MYO18A: variants seen among roughly 807,000 people sequenced by gnomAD.
The protein encoded by MYO18A is myosin XVIIIA.
Under a neutral mutation model 235.8 loss-of-function variants are expected in MYO18A, and 78 were observed. The ratio of observed to expected loss-of-function variants is 0.33; its 90% CI spans 0.28 to 0.40. The LOEUF (loss-of-function observed/expected upper bound fraction) is 0.40. Among genes scored for constraint, MYO18A ranks in the 10% least tolerant of loss-of-function variants. The pLI, the probability that MYO18A is intolerant of heterozygous loss-of-function variation, is 1.00. For missense variants in MYO18A, 2,215 were observed against 2,699.3 expected, an observed-to-expected ratio of 0.82 and a Z score of 3.98; for synonymous variants, 977 against 1,077.8, an observed-to-expected ratio of 0.91 and a Z score of 1.83.
chr17:29,092,628 A>G (rs1568050036), intron 33 of MYO18A, among the ~76,000 whole-genome samples, 172 bp from the exon 34 acceptor site: 2 of 152,124 alleles, frequency 1.3e-5, no homozygotes, highest in Non-Finnish European at 2.9e-5. Context: ...CTCCCGTGAC[A>G]TGGCTGGTGG....
At chr17:29,102,680 G>A (rs1292445037) in intron 21 of MYO18A, among the ~76,000 whole-genome samples, 1 of 152,182 alleles carries the variant, frequency 6.6e-6, no homozygotes, top group Non-Finnish European at 1.5e-5. Flanking sequence ...GCAAAGATGG[G>A]AAGACGCAAA....
chr17:29,169,327 G>A (rs1386187023), intron 1 of MYO18A, among the ~76,000 whole-genome samples: 4 of 152,146 alleles, frequency 2.6e-5, no homozygotes, highest in Admixed American at 2.0e-4. Context: ...TGGGATTACA[G>A]GCGTGAGCCA....
intron 2 of MYO18A, among the ~76,000 whole-genome samples, chr17:29,130,622 G>T (rs2067450135): frequency 6.6e-6 from 1 of 152,098 alleles, no homozygotes; most frequent in African/African-American, 2.4e-5. Context: ...AGGAAGTGCA[G>T]GGAGCCAGGA....
intron 34 of MYO18A, 70 bp from the exon 35 acceptor site, chr17:29,090,996 T>C (rs2066385001): frequency 8.2e-6 from 10 of 1,224,986 alleles, no homozygotes; most frequent in Non-Finnish European, 1.1e-5. Context: ...CTGCCTCCAA[T>C]GGCAGGGGCA....
chr17:29,093,174 C>G (rs544278485), intron 32 of MYO18A, 149 bp downstream of exon 32: 1 of 1,057,660 alleles, frequency 9.5e-7, no homozygotes, highest in Admixed American at 2.2e-5. Flanking sequence ...TATGGTGATG[C>G]CCCCATCCCA....
In MYO18A at chr17:29,121,491, A is replaced by C. The variant is rs2067198197; in HGVS notation, c.1371+56T>G. 6.6e-7 allele frequency: 1 copy of C among 1,511,154 alleles called. No homozygotes were observed. Among genetic ancestry groups the C allele is most frequent in the Admixed American group, 2.2e-5 (1 of 46,284 alleles). The allele number at this position is 1,511,154 out of a possible 1,614,324, so 93.6% of individuals were successfully genotyped here. On this transcript the variant is annotated intron_variant, in intron 5 of 41. Transcript: ENST00000527372. The surrounding 1 kb of genome is among the most constrained non-coding windows in gnomAD (Gnocchi z 4.2). ...GGGGTGCCACAGGGGAAGGGCAGAG[A>C]GCCAGGGCAGGGGGTGGGACCAGGA...
At chr17:29,161,948 G>GC (rs922438776) in intron 2 of MYO18A, among the ~76,000 whole-genome samples, 4 of 152,146 alleles carry the variant, frequency 2.6e-5, no homozygotes, top group Non-Finnish European at 5.9e-5. Context: ...AAATACAGAT[G>GC]CCCCCCAAGA....
rs117899891 is a variant in MYO18A, at chr17:29,117,439, C to T, written c.2038+606G>A. Among the ~76,000 whole-genome samples, 30 of 152,266 alleles carry T rather than the reference C, an allele frequency of 2.0e-4. No homozygotes were observed. Among genetic ancestry groups the T allele is most frequent in the Non-Finnish European group, 2.8e-4 (19 of 68,008 alleles). On this transcript the variant is annotated intron_variant, in intron 10 of 41. Coordinates refer to ENST00000527372, the MANE Select transcript of MYO18A (RefSeq NM_078471.4). The surrounding 1 kb of genome is among the most constrained non-coding windows in gnomAD (Gnocchi z 4.6). ...CCCCAGGTAGCAAGCCCACCCTACC[C>T]CACCCCACGGTGGGCATCCTGAGAG...
rs1195785006 is a variant in MYO18A at position 29,073,852 on chromosome 17, T to C, written c.*918A>G. The stretch of plus-strand genomic sequence containing the variant: ...CTTCAGTTTTTCTGATCACAAGTCC[T>C]CAACCCCAAGCCTTCCCTCTCAAGT... On this transcript the variant is annotated 3_prime_UTR_variant, in exon 42 of 42. Transcript: ENST00000527372. The C allele has an allele frequency of 8.2e-6, 13 of 1,583,738 alleles. No individual in the cohort carries two copies. The highest frequency in any genetic ancestry group is 1.0e-5 in the Non-Finnish European group (12 of 1,157,944).
chr17:29,175,397 C>T (rs946085881), intron 1 of MYO18A, among the ~76,000 whole-genome samples: 1 of 146,578 alleles, frequency 6.8e-6, no homozygotes, highest in African/African-American at 2.5e-5. Context: ...CAGGGTCCCA[C>T]TGTGTCCTCC....
In MYO18A at chr17:29,180,304, G is replaced by C. The variant is rs143456839; in HGVS notation, c.-82+9C>G. 0.029 allele frequency: 4,186 copies of C among 145,618 alleles called. 79 individuals are homozygous for C. Among genetic ancestry groups the C allele is most frequent in the Non-Finnish European group, 0.036 (2,407 of 66,274 alleles). 9.0% of individuals were successfully genotyped at this position (145,618 alleles called of 1,614,324 possible). On this transcript the variant is annotated intron_variant, in intron 1 of 41. Coordinates refer to ENST00000527372, the MANE Select transcript of MYO18A (RefSeq NM_078471.4). The surrounding 1 kb of genome is among the most constrained non-coding windows in gnomAD (Gnocchi z 6.1). ...CACCGAGCGGCCGCCGCCGCCGACC[G>C]GCACTCACCGGCCACCGGAGCCCGC...
rs1275369284 is a variant in MYO18A, at chr17:29,073,764, TGACACGGGCTCAG to T, written c.*993_*1005del. On this transcript the variant is annotated 3_prime_UTR_variant, in exon 42 of 42. Transcript: ENST00000527372. Reference sequence around the variant, plus strand: ...TGTGGGGGCAGGGAGGTTGGAAGAATGACACGGGCTCAGGACACAGAGTGAGGACTCATGTCTA... The same window carrying T: ...TGTGGGGGCAGGGAGGTTGGAAGAATGACACAGAGTGAGGACTCATGTCTA... 8.2e-6 allele frequency: 11 copies of T among 1,346,088 alleles called. No individual in the cohort carries two copies. Among genetic ancestry groups the T allele is most frequent in the Admixed American group, 2.1e-5 (1 of 47,418 alleles). The allele number at this position is 1,346,088 out of a possible 1,614,324, so 83.4% of individuals were successfully genotyped here. A position where few individuals can be genotyped will look rare whatever the true frequency, so the allele number is the denominator to read the frequency against.
intron 40 of MYO18A, among the ~76,000 whole-genome samples, chr17:29,084,967 A>T (rs2066216273): frequency 6.6e-6 from 1 of 152,132 alleles, no homozygotes; most frequent in African/African-American, 2.4e-5. Flanking sequence ...GTACCAGCAC[A>T]AGCGCCCGCT....
At position 29,103,648 on chromosome 17, in the gene MYO18A, A is replaced by G; in HGVS notation, c.3458T>C (p.Leu1153Pro). The G allele has an allele frequency of 6.2e-7, 1 of 1,613,772 alleles. No individual in the cohort carries two copies. Among genetic ancestry groups the G allele is most frequent in the Non-Finnish European group, 8.5e-7 (1 of 1,179,870 alleles). Reference protein sequence around the residue: ...VDERRAVEELLECLDLEKSSC... With the variant: ...VDERRAVEELPECLDLEKSSC... ...GCTCTTCTCCAGATCCAAGCACTCC[A>G]GCAGCTCCTCCACTGCCTGTGGAGA... Residue 1153 changes from leucine (L) to proline (P), a missense_variant, in exon 21 of 42, where the codon CTG becomes CCG. Physicochemically the swap from Leu to Pro is moderately conservative, Grantham distance 98 (BLOSUM62 -3). Coordinates refer to ENST00000527372, the MANE Select transcript of MYO18A (RefSeq NM_078471.4).
At position 29,074,329 on chromosome 17, in the gene MYO18A, C is replaced by T. The variant is rs540614101; in HGVS notation, c.*441G>A. ...GACAGCAGGCACCAAGAAGAGAGAGCCCCCACCCCACACGAGAGGGAAGGC... is the reference window on the plus strand; with the variant it reads ...GACAGCAGGCACCAAGAAGAGAGAGTCCCCACCCCACACGAGAGGGAAGGC... On this transcript the variant is annotated 3_prime_UTR_variant, in exon 42 of 42. Coordinates refer to ENST00000527372, the MANE Select transcript of MYO18A (RefSeq NM_078471.4). The surrounding 1 kb of genome is among the most constrained non-coding windows in gnomAD (Gnocchi z 4.4). 3.6e-6 allele frequency: 3 copies of T among 837,166 alleles called. No homozygotes were observed. The highest frequency in any genetic ancestry group is 5.5e-6 in the Non-Finnish European group (3 of 542,496). The allele number at this position is 837,166 out of a possible 1,614,324, so 51.9% of individuals were successfully genotyped here. A position where few individuals can be genotyped will look rare whatever the true frequency, so the allele number is the denominator to read the frequency against.
intron 2 of MYO18A, among the ~76,000 whole-genome samples, chr17:29,152,997 G>T (rs758437727): frequency 3.2e-4 from 48 of 152,288 alleles, no homozygotes; most frequent in Non-Finnish European, 6.3e-4. Context: ...TTACAGGTGT[G>T]AACCACCATG....
Position 29,082,368 on chromosome 17 carries a change from T to G in MYO18A, c.5968A>C (p.Asn1990His), listed in dbSNP as rs540420004. Reference sequence around the variant, plus strand: ...GAAGCTGCCTTGGAAGGTCCCTTGTTTTTTGACAACCAGGACTTGACCCCG... The same window carrying G: ...GAAGCTGCCTTGGAAGGTCCCTTGTGTTTTGACAACCAGGACTTGACCCCG... ...VDGVKSWLSK[N>H]KGPSKAASDD... The change falls in exon 41 of 42, where the codon AAC becomes CAC. Residue 1990 changes from asparagine (N) to histidine (H), a missense_variant. Physicochemically the swap from Asn to His is moderately conservative, Grantham distance 68. Coordinates refer to ENST00000527372, the MANE Select transcript of MYO18A (RefSeq NM_078471.4). 1 of 1,613,994 alleles carries G rather than the reference T, an allele frequency of 6.2e-7. No individual in the cohort carries two copies. The highest frequency in any genetic ancestry group is 1.7e-5 in the Admixed American group (1 of 60,028).
rs1199203156 is a variant in MYO18A, at chr17:29,166,161, A to C, written c.780T>G (p.Gly260=). The change falls in exon 2 of 42, where the codon GGT becomes GGG. Residue 260 remains glycine (G), a synonymous_variant. Transcript: ENST00000527372. ...CCAGGGCCAGGTCCTTGGTGCCTGC[A>C]CCAGGCTCAGCAAAGTGGACCACAC... ...CRRVVHFAEP[G]AGTKDLALGL... The C allele has an allele frequency of 7.4e-6, 12 of 1,612,910 alleles. No homozygotes were observed. Among genetic ancestry groups the C allele is most frequent in the African/African-American group, 2.7e-5 (2 of 74,946 alleles).
chr17:29,082,445 G>A lies in MYO18A; in HGVS notation c.5898-7C>T. On this transcript the variant is annotated splice_polypyrimidine_tract_variant and splice_region_variant and intron_variant, in intron 40 of 41. Transcript: ENST00000527372. Reference sequence around the variant, plus strand: ...CACATCAGAGTCTCCCTCACTGTAGGGATGAGGAGCAGAAAGGTAGACAAG... The same window carrying A: ...CACATCAGAGTCTCCCTCACTGTAGAGATGAGGAGCAGAAAGGTAGACAAG... 1 of 1,612,202 alleles carries A rather than the reference G, an allele frequency of 6.2e-7. No individual in the cohort carries two copies. Among genetic ancestry groups the A allele is most frequent in the South Asian group, 1.1e-5 (1 of 90,908 alleles).
Sources: gnomAD v4.1 joint callset for allele counts (sites outside exome capture counted in the v4.1 genomes callset) on GRCh38, gnomAD v4.1.1 for gene constraint, Gnocchi (gnomAD v3.1) non-coding constraint, MANE v1.5 for transcripts, NCBI Gene and HGNC (gene_info 2026-07-23, HGNC 2026-07-21) for gene names.